The following CNTNAP5 variants were observed in gnomAD, a reference collection of about 807,000 sequenced individuals.
CNTNAP5 encodes contactin associated protein family member 5.
In CNTNAP5, 72 loss-of-function variants were observed where a neutral mutation model predicts 150.2. That is an observed-to-expected ratio of 0.48 (90% CI 0.40 to 0.58). CNTNAP5 has a LOEUF of 0.58. Ranked by LOEUF, CNTNAP5 falls within the 20% of genes least tolerant of loss-of-function variation. The probability of loss-of-function intolerance (pLI) is 0.00; values close to 1 mark genes in which losing one functional copy is unlikely to be tolerated. For synonymous variants in CNTNAP5, 672 were observed against 619.8 expected, an observed-to-expected ratio of 1.08 and a Z score of -1.25; for missense variants, 1,636 against 1,626.2, an observed-to-expected ratio of 1.01 and a Z score of -0.10.
chr2:124,292,587 C>T (rs1243741550), intron 3 of CNTNAP5, among the ~76,000 whole-genome samples: 1 of 151,966 alleles, frequency 6.6e-6, no homozygotes, highest in Non-Finnish European at 1.5e-5. Context: ...TTCACATAAA[C>T]CTCAATCTGA....
At chr2:124,313,671 A>C (rs1360954962) in intron 3 of CNTNAP5, among the ~76,000 whole-genome samples, 1 of 152,222 alleles carries the variant, frequency 6.6e-6, no homozygotes, top group Non-Finnish European at 1.5e-5. Context: ...TCTAGAATTT[A>C]GATTGTGCCA....
chr2:124,271,249 A>T (rs182406689), intron 3 of CNTNAP5, among the ~76,000 whole-genome samples: 176 of 149,286 alleles, frequency 1.2e-3, no homozygotes, highest in Middle Eastern at 6.9e-3. Flanking sequence ...CACAGAATTT[A>T]AAAAAAAAAG....
intron 19 of CNTNAP5, among the ~76,000 whole-genome samples, chr2:124,861,126 T>C (rs1416354504): frequency 6.6e-6 from 1 of 151,816 alleles, no homozygotes; most frequent in East Asian, 1.9e-4. Flanking sequence ...AGTGTAACGA[T>C]GTCTAGTAAG....
At chr2:124,479,394 G>T (rs1175533847) in intron 7 of CNTNAP5, among the ~76,000 whole-genome samples, 1 of 152,110 alleles carries the variant, frequency 6.6e-6, no homozygotes, top group African/African-American at 2.4e-5. Context: ...TTCCCTGGGA[G>T]CTGGCTGAAG....
At chr2:124,157,182 C>T (rs576424689) in intron 1 of CNTNAP5, among the ~76,000 whole-genome samples, 55 of 71,186 alleles carry the variant, frequency 7.7e-4, no homozygotes, top group African/African-American at 1.6e-3. Flanking sequence ...CAGGTTGCAC[C>T]GTGAGTCTGG....
At chr2:124,398,746 G>A (rs916142248) in intron 3 of CNTNAP5, among the ~76,000 whole-genome samples, 2 of 152,144 alleles carry the variant, frequency 1.3e-5, no homozygotes, top group African/African-American at 4.8e-5. Context: ...TTCCCAAAAT[G>A]CTGGGATTAC....
chr2:124,333,082 T>G (rs1487214303), intron 3 of CNTNAP5, among the ~76,000 whole-genome samples: 3 of 152,110 alleles, frequency 2.0e-5, no homozygotes, highest in Non-Finnish European at 4.4e-5. Flanking sequence ...ATTTTAATCA[T>G]GAGGCAAGTA....
Position 124,328,858 on chromosome 2 carries a change from C to T in CNTNAP5, c.381+86465C>T, listed in dbSNP as rs111973606. On this transcript the variant is annotated intron_variant, in intron 3 of 23. Transcript: ENST00000682447. ...GGAAAAGGGTAAGCTTCCTCTTTAC[C>T]GCCAGAAGGTTCACTGAAATAAACT... 3.9e-3 allele frequency among the ~76,000 whole-genome samples: 586 copies of T among 152,064 alleles called. 5 individuals carry two copies. The highest frequency in any genetic ancestry group is 0.014 in the African/African-American group (563 of 41,476).
intron 13 of CNTNAP5, among the ~76,000 whole-genome samples, chr2:124,685,796 G>A (rs1679182897): frequency 6.6e-6 from 1 of 151,812 alleles, no homozygotes; most frequent in African/African-American, 2.4e-5. Context: ...CTGTGATAGC[G>A]AGGGAATGAA....
chr2:124,238,168 T>C, intron 2 of CNTNAP5, among the ~76,000 whole-genome samples: 1 of 152,168 alleles, frequency 6.6e-6, no homozygotes, highest in East Asian at 1.9e-4. Context: ...GAGGGATTTG[T>C]TGGTGCACTT....
intron 13 of CNTNAP5, among the ~76,000 whole-genome samples, chr2:124,725,852 G>A (rs1680147439): frequency 6.6e-6 from 1 of 151,870 alleles, no homozygotes; most frequent in South Asian, 2.1e-4. Context: ...CTAGCATAAT[G>A]TCCTCCAGAT....
chr2:124,702,750 A>T (rs1199145476), intron 13 of CNTNAP5, among the ~76,000 whole-genome samples: 1 of 152,166 alleles, frequency 6.6e-6, no homozygotes, highest in Non-Finnish European at 1.5e-5. Flanking sequence ...AGCTATTAAA[A>T]AGATACAACT....
intron 20 of CNTNAP5, among the ~76,000 whole-genome samples, chr2:124,866,378 C>T (rs1305404204): frequency 1.3e-5 from 2 of 152,180 alleles, no homozygotes; most frequent in Non-Finnish European, 2.9e-5. Flanking sequence ...TCAGGTTTGC[C>T]AACCGCTGGG....
intron 4 of CNTNAP5, among the ~76,000 whole-genome samples, chr2:124,432,417 A>G (rs1161462988): frequency 6.6e-6 from 1 of 152,084 alleles, no homozygotes; most frequent in Non-Finnish European, 1.5e-5. Context: ...TAACTCCTAC[A>G]TATTGTTAAA....
chr2:124,378,449 A>G (rs1313528048), intron 3 of CNTNAP5, among the ~76,000 whole-genome samples: 1 of 152,134 alleles, frequency 6.6e-6, no homozygotes, highest in Non-Finnish European at 1.5e-5. Context: ...TTTAAATATA[A>G]AAGCATAATT....
At chr2:124,078,636 T>G (rs1056961724) in intron 1 of CNTNAP5, among the ~76,000 whole-genome samples, 1 of 152,222 alleles carries the variant, frequency 6.6e-6, no homozygotes, top group African/African-American at 2.4e-5. Flanking sequence ...GCAATATGCA[T>G]CCACTAGAGA....
At chr2:124,654,495 T>C (rs1573525690) in intron 13 of CNTNAP5, among the ~76,000 whole-genome samples, 1 of 152,150 alleles carries the variant, frequency 6.6e-6, no homozygotes, top group East Asian at 1.9e-4. Flanking sequence ...TTCGGGGCTG[T>C]GTGTGGAAGG....
At chr2:124,315,938 C>A (rs547821778) in intron 3 of CNTNAP5, among the ~76,000 whole-genome samples, 2 of 152,172 alleles carry the variant, frequency 1.3e-5, no homozygotes, top group Non-Finnish European at 2.9e-5. Flanking sequence ...GGCTCTCCTT[C>A]CTACCTGCTG....
chr2:124,145,798 A>T (rs1402724655), intron 1 of CNTNAP5, among the ~76,000 whole-genome samples: 21 of 93,890 alleles, frequency 2.2e-4, no homozygotes, highest in South Asian at 1.3e-3. Flanking sequence ...GTATAATAAA[A>T]AAAAAAAAAA....
Sources: gnomAD v4.1 joint callset for allele counts (sites outside exome capture counted in the v4.1 genomes callset) on GRCh38, gnomAD v4.1.1 for gene constraint, MANE v1.5 for transcripts, NCBI Gene and HGNC (gene_info 2026-07-23, HGNC 2026-07-21) for gene names.